The following LARGE1 variants were observed in gnomAD, a reference collection of about 807,000 sequenced individuals.
LARGE1 encodes xylosyl- and glucuronyltransferase LARGE1.
A neutral mutation model predicts 87.6 loss-of-function variants in LARGE1; 43 were observed. That is an observed-to-expected ratio of 0.49 (90% CI 0.38 to 0.63). LARGE1 has a LOEUF of 0.63. LARGE1 is among the 30% of genes least tolerant of loss of function. The probability of loss-of-function intolerance (pLI) is 0.00; values close to 1 mark genes in which losing one functional copy is unlikely to be tolerated. For missense variants in LARGE1, 802 were observed against 1,000.2 expected (o/e 0.80, Z 2.67); for synonymous variants, 434 against 394.6 (o/e 1.10, Z -1.18).
intron 1 of LARGE1, among the ~76,000 whole-genome samples, chr22:33,766,907 CATATACATAT>C (rs1474735074): frequency 5.7e-5 from 4 of 69,806 alleles, no homozygotes; most frequent in Non-Finnish European, 9.0e-5. Context: ...CTAATTTAAA[CATATACATAT>C]ATATATATAT....
intron 6 of LARGE1, among the ~76,000 whole-genome samples, chr22:33,447,822 G>T (rs1015447395): frequency 1.2e-4 from 18 of 152,202 alleles, no homozygotes; most frequent in African/African-American, 4.3e-4. Flanking sequence ...AGGAGGAAGG[G>T]CTCAGCTAAG....
chr22:33,511,004 T>C (rs1453402995), intron 6 of LARGE1, among the ~76,000 whole-genome samples: 2 of 152,090 alleles, frequency 1.3e-5, no homozygotes, highest in Non-Finnish European at 2.9e-5. Flanking sequence ...CAATTCAAGG[T>C]GGCGGGTGCC....
At chr22:33,704,487 T>TGAGC (rs1213402627) in intron 2 of LARGE1, among the ~76,000 whole-genome samples, 1 of 152,152 alleles carries the variant, frequency 6.6e-6, no homozygotes, top group African/African-American at 2.4e-5. Flanking sequence ...ATTCCATCAT[T>TGAGC]GAGCTCTCCA....
rs576413148 is a variant in LARGE1, at chr22:33,419,671, T to TTTTG, written c.892+12489_892+12490insCAAA. 3.2e-3 allele frequency among the ~76,000 whole-genome samples: 483 copies of TTTTG among 151,090 alleles called. 1 individual carries two copies. The highest frequency in any genetic ancestry group is 0.011 in the African/African-American group (446 of 41,158). ...ATTTGTGGCCAGATGAATCTTTGTTTTTGTTGTTGTTGTTGTTGTTTTTTG... is the reference window on the plus strand; with the variant it reads ...ATTTGTGGCCAGATGAATCTTTGTTTTTTGTTGTTGTTGTTGTTGTTGTTTTTTG... On this transcript the variant is annotated intron_variant, in intron 7 of 14. Transcript: ENST00000397394.
chr22:33,222,708 G>T (rs370548138), intron 11 of LARGE1, among the ~76,000 whole-genome samples: 1 of 152,168 alleles, frequency 6.6e-6, no homozygotes, highest in Non-Finnish European at 1.5e-5. Flanking sequence ...GCAAGGAGTA[G>T]AGCCTTCAAG....
intron 10 of LARGE1, among the ~76,000 whole-genome samples, chr22:33,334,741 G>A (rs1208757358): frequency 6.6e-6 from 1 of 152,200 alleles, no homozygotes; most frequent in Non-Finnish European, 1.5e-5. Context: ...TGGGCCTCCT[G>A]GGCCCAGACG....
chr22:33,097,628 T>C, the LARGE1 span, among the ~76,000 whole-genome samples: 2 of 152,244 alleles, frequency 1.3e-5, no homozygotes, highest in Non-Finnish European at 2.9e-5. Context: ...TCCCTTTCTC[T>C]GGATATTAGC....
chr22:33,796,280 C>CTT (rs2085978949), intron 1 of LARGE1, among the ~76,000 whole-genome samples: 2 of 152,154 alleles, frequency 1.3e-5, no homozygotes, highest in Admixed American at 6.5e-5. Flanking sequence ...GTCATCAGCC[C>CTT]TTTTTCTAAG....
chr22:33,085,073 C>T, the LARGE1 span, among the ~76,000 whole-genome samples: 2 of 152,192 alleles, frequency 1.3e-5, no homozygotes, highest in African/African-American at 2.4e-5. Context: ...GTCAGGAGTT[C>T]GAGACCTGCC....
intron 11 of LARGE1, among the ~76,000 whole-genome samples, chr22:33,251,751 G>A (rs998061162): frequency 3.9e-5 from 6 of 152,160 alleles, no homozygotes; most frequent in Admixed American, 6.5e-5. Flanking sequence ...TCCAACTTTG[G>A]TGATGGAAAT....
chr22:33,868,238 G>C (rs1019920228), intron 1 of LARGE1, among the ~76,000 whole-genome samples: 3 of 152,186 alleles, frequency 2.0e-5, no homozygotes, highest in Non-Finnish European at 4.4e-5. Flanking sequence ...CCATGGGACT[G>C]AGAGGCAACT....
intron 1 of LARGE1, among the ~76,000 whole-genome samples, chr22:33,805,607 G>A (rs745530575): frequency 6.6e-6 from 1 of 152,016 alleles, no homozygotes; most frequent in African/African-American, 2.4e-5. Flanking sequence ...GATGGCAGGT[G>A]TCTGTAATCC....
chr22:33,534,324 A>C (rs1240046418), intron 6 of LARGE1, among the ~76,000 whole-genome samples: 1 of 152,102 alleles, frequency 6.6e-6, no homozygotes, highest in Non-Finnish European at 1.5e-5. Flanking sequence ...GAATGGTGTG[A>C]ACCCAGGAGG....
At chr22:33,591,405 T>C (rs949205799) in intron 5 of LARGE1, among the ~76,000 whole-genome samples, 1 of 152,168 alleles carries the variant, frequency 6.6e-6, no homozygotes, top group African/African-American at 2.4e-5. Context: ...TGACTAATGA[T>C]GTCATTATTG....
chr22:33,905,403 C>T (rs1176649481), intron 1 of LARGE1, among the ~76,000 whole-genome samples: 2 of 152,078 alleles, frequency 1.3e-5, no homozygotes, highest in Non-Finnish European at 2.9e-5. Flanking sequence ...CTTGTACTGC[C>T]GTGCCTATTT....
intron 2 of LARGE1, among the ~76,000 whole-genome samples, chr22:33,672,744 G>A (rs1054109237): frequency 2.0e-5 from 3 of 152,176 alleles, no homozygotes. Flanking sequence ...AGAACCAAAG[G>A]AGTTGGTAGA....
intron 2 of LARGE1, among the ~76,000 whole-genome samples, chr22:33,695,265 T>G (rs2082209852): frequency 2.6e-5 from 4 of 151,606 alleles, no homozygotes; most frequent in Admixed American, 2.6e-4. Context: ...CACCATACCC[T>G]GCTAATTTTT....
At chr22:33,878,129 C>CTTTTTCTTTTT (rs2064532373) in intron 1 of LARGE1, among the ~76,000 whole-genome samples, 1 of 44,652 alleles carries the variant, frequency 2.2e-5, no homozygotes, top group African/African-American at 6.0e-5. Context: ...TATTGTATTT[C>CTTTTTCTTTTT]TTTTTTTTTT....
rs570727127 is a variant in LARGE1 at position 33,520,871 on chromosome 22, G to A, written c.787+43977C>T. Among the ~76,000 whole-genome samples, 18 of 152,304 alleles carry A rather than the reference G, an allele frequency of 1.2e-4. No individual in the cohort carries two copies. The East Asian group carries it at 3.5e-3, about 29-fold the overall frequency. On this transcript the variant is annotated intron_variant, in intron 6 of 14. Transcript: ENST00000397394. Reference sequence around the variant, plus strand: ...TTCCTTAAGGCATAACAAGCTTCCAGCTGTATTTTCATTGCACTGATCAGC... The same window carrying A: ...TTCCTTAAGGCATAACAAGCTTCCAACTGTATTTTCATTGCACTGATCAGC...
Sources: allele counts gnomAD v4.1 joint callset (sites outside exome capture counted in the v4.1 genomes callset), GRCh38; gene constraint gnomAD v4.1.1; transcripts MANE v1.5; gene names NCBI Gene and HGNC (gene_info 2026-07-23, HGNC 2026-07-21).